NSUN6: variants seen among roughly 807,000 people sequenced by gnomAD.
NSUN6 encodes NOP2/Sun RNA methyltransferase 6.
Under a neutral mutation model 58.0 loss-of-function variants are expected in NSUN6, and 64 were observed. The observed-to-expected ratio is 1.10, with a 90% CI of 0.90 to 1.36. The LOEUF is 1.36. Among genes scored for constraint, NSUN6 ranks in the 40% most tolerant of loss-of-function variants. NSUN6 has a pLI of 0.00. For synonymous variants in NSUN6, 231 were observed against 193.9 expected (o/e 1.19, Z -1.59); for missense variants, 701 against 550.1 (o/e 1.27, Z -2.74).
intron 8 of NSUN6, among the ~76,000 whole-genome samples, chr10:18,552,963 C>T (rs185392102): frequency 1.3e-5 from 2 of 151,640 alleles, no homozygotes; most frequent in African/African-American, 4.8e-5. Context: ...CCATTACATT[C>T]CATTCTCCAT....
chr10:18,627,273 A>C (rs1275266381), intron 3 of NSUN6, among the ~76,000 whole-genome samples: 1 of 152,238 alleles, frequency 6.6e-6, no homozygotes, highest in Non-Finnish European at 1.5e-5. Flanking sequence ...AAAATTGTTT[A>C]CTGTATATAA....
chr10:18,642,608 A>G, intron 2 of NSUN6, 53 bp from the exon 3 acceptor site: 1 of 871,296 alleles, frequency 1.1e-6, no homozygotes, highest in South Asian at 1.5e-5. Context: ...ATACATTTCA[A>G]CTTATGGAAC....
intron 3 of NSUN6, among the ~76,000 whole-genome samples, chr10:18,616,625 A>G (rs1325015879): frequency 6.6e-6 from 1 of 152,240 alleles, no homozygotes; most frequent in Non-Finnish European, 1.5e-5. Context: ...ACTAAAATAG[A>G]AAAATACACA....
At chr10:18,651,029 C>T (rs1315441065) in intron 1 of NSUN6, 100 bp downstream of exon 1, 2 of 1,413,686 alleles carry the variant, frequency 1.4e-6, no homozygotes, top group Non-Finnish European at 1.9e-6. Context: ...TAAGGAACGA[C>T]GGCTGTCAAG....
At chr10:18,634,368 A>G (rs984528644) in intron 3 of NSUN6, among the ~76,000 whole-genome samples, 3 of 152,188 alleles carry the variant, frequency 2.0e-5, no homozygotes, top group Non-Finnish European at 4.4e-5. Flanking sequence ...CATTTTAGAG[A>G]CAAGAAAAGC....
At chr10:18,636,247 A>G (rs1378997089) in intron 3 of NSUN6, among the ~76,000 whole-genome samples, 8 of 152,028 alleles carry the variant, frequency 5.3e-5, no homozygotes, top group Admixed American at 2.0e-4. Flanking sequence ...CAACAAAGAC[A>G]TTAATAAAGA....
intron 6 of NSUN6, among the ~76,000 whole-genome samples, chr10:18,609,095 G>C (rs2058139902): frequency 6.6e-6 from 1 of 152,112 alleles, no homozygotes; most frequent in South Asian, 2.1e-4. Context: ...GATCACTTGA[G>C]GCCACGAGTT....
At chr10:18,631,758 T>C (rs933617374) in intron 3 of NSUN6, among the ~76,000 whole-genome samples, 2 of 150,318 alleles carry the variant, frequency 1.3e-5, no homozygotes, top group Admixed American at 6.6e-5. Flanking sequence ...TAAAAGAGGA[T>C]ACAAACAAAT....
intron 7 of NSUN6, among the ~76,000 whole-genome samples, chr10:18,594,132 G>A (rs1306607340): frequency 6.6e-6 from 1 of 151,472 alleles, no homozygotes; most frequent in Non-Finnish European, 1.5e-5. Context: ...CCCGGGAGGC[G>A]GAGGTTGCAG....
At chr10:18,566,197 T>C (rs2055923615) in intron 8 of NSUN6, among the ~76,000 whole-genome samples, 1 of 117,640 alleles carries the variant, frequency 8.5e-6, no homozygotes, top group Non-Finnish European at 1.9e-5. Flanking sequence ...TTCTCCATTC[T>C]TCATTCTATT....
chr10:18,567,962 C>CTCCAT (rs1186357309), intron 8 of NSUN6, among the ~76,000 whole-genome samples: 1 of 150,310 alleles, frequency 6.7e-6, no homozygotes, highest in Non-Finnish European at 1.5e-5. Context: ...CTATTCCTTT[C>CTCCAT]TCCATTCCAT....
rs2056578914 is a variant in NSUN6, at chr10:18,575,009, A to C, written c.922+10940T>G. Reference sequence around the variant, plus strand: ...TCTCCCTCCTCCTACTGTAATCCCCATTTTCTCTTCCATCAAAAAGGAAAA... The same window carrying C: ...TCTCCCTCCTCCTACTGTAATCCCCCTTTTCTCTTCCATCAAAAAGGAAAA... On this transcript the variant is annotated intron_variant, in intron 8 of 10. Coordinates refer to ENST00000377304, the MANE Select transcript of NSUN6 (RefSeq NM_182543.5). Among the ~76,000 whole-genome samples the C allele has an allele frequency of 2.6e-5, 4 of 152,018 alleles. No homozygotes were observed. The South Asian group carries it at 8.3e-4, about 32-fold the overall frequency.
At chr10:18,593,230 TA>T (rs2131180515) in intron 7 of NSUN6, among the ~76,000 whole-genome samples, 1 of 152,208 alleles carries the variant, frequency 6.6e-6, no homozygotes, top group African/African-American at 2.4e-5. Flanking sequence ...TGTGGAGAAA[TA>T]GGAGAAATAG....
chr10:18,657,457 C>G (rs552285167), upstream of NSUN6, among the ~76,000 whole-genome samples: 17 of 151,952 alleles, frequency 1.1e-4, no homozygotes, highest in African/African-American at 4.1e-4. Flanking sequence ...GAAACAAAAC[C>G]AATAAAAATA....
chr10:18,623,145 AT>A (rs1168296295), intron 3 of NSUN6, among the ~76,000 whole-genome samples: 1 of 152,226 alleles, frequency 6.6e-6, no homozygotes, highest in Non-Finnish European at 1.5e-5. Context: ...TTTATTTTAA[AT>A]TTCATTTGAA....
chr10:18,605,472 C>T (rs552876008), intron 6 of NSUN6, among the ~76,000 whole-genome samples: 3 of 152,226 alleles, frequency 2.0e-5, no homozygotes, highest in African/African-American at 7.2e-5. Flanking sequence ...TAACAACTAG[C>T]TCAGGCAAAA....
At chr10:18,566,593 C>T (rs1264883845) in intron 8 of NSUN6, among the ~76,000 whole-genome samples, 2 of 151,120 alleles carry the variant, frequency 1.3e-5, no homozygotes, top group Non-Finnish European at 3.0e-5. Context: ...ACTCTCCATT[C>T]CATTCCATTC....
chr10:18,648,376 A>G (rs1379615801), intron 2 of NSUN6, 114 bp downstream of exon 2: 1 of 632,640 alleles, frequency 1.6e-6, no homozygotes, highest in Non-Finnish European at 2.7e-6. Flanking sequence ...ATGGTCCTCA[A>G]TCTCCTTATC....
chr10:18,551,911 C>G lies in NSUN6; in HGVS notation c.983G>C (p.Gly328Ala). 6.2e-7 allele frequency: 1 copy of G among 1,611,006 alleles called. No individual in the cohort carries two copies. Reference protein sequence around the residue: ...DRILLDAPCSGMGQRPNMACT... With the variant: ...DRILLDAPCSAMGQRPNMACT... ...GGCCATGTTTGGTCTCTGTCCCATT[C>G]CACTACAGGGTGCATCCAGAAGAAT... Residue 328 changes from glycine (G) to alanine (A), a missense_variant, in exon 9 of 11, where the codon GGA becomes GCA. Physicochemically the swap from Gly to Ala is moderately conservative, Grantham distance 60 (BLOSUM62 0). Transcript: ENST00000377304.
Sources: gnomAD v4.1 joint callset for allele counts (sites outside exome capture counted in the v4.1 genomes callset) on GRCh38, gnomAD v4.1.1 for gene constraint, MANE v1.5 for transcripts, NCBI Gene and HGNC (gene_info 2026-07-23, HGNC 2026-07-21) for gene names.